TMPRSS15: variants seen among roughly 807,000 people sequenced by gnomAD.
The protein encoded by TMPRSS15 is enteropeptidase.
A neutral mutation model predicts 125.3 loss-of-function variants in TMPRSS15; 128 were observed. The observed-to-expected ratio is 1.02, with a 90% CI of 0.89 to 1.18. TMPRSS15 has a LOEUF of 1.18. Ranked by LOEUF, TMPRSS15 falls within the 50% of genes most tolerant of loss-of-function variation. TMPRSS15 has a pLI of 0.00. For synonymous variants in TMPRSS15, 446 were observed against 423.2 expected, an observed-to-expected ratio of 1.05 and a Z score of -0.66; for missense variants, 1,283 against 1,212.7, an observed-to-expected ratio of 1.06 and a Z score of -0.86.
At chr21:18,320,329 T>C (rs1323513804) in intron 16 of TMPRSS15, among the ~76,000 whole-genome samples, 4 of 152,120 alleles carry the variant, frequency 2.6e-5, no homozygotes, top group Non-Finnish European at 5.9e-5. Context: ...AGAATGTTAG[T>C]CACCACCCTT....
chr21:18,307,542 A>G (rs2075050561), intron 18 of TMPRSS15, among the ~76,000 whole-genome samples: 1 of 152,284 alleles, frequency 6.6e-6, no homozygotes, highest in East Asian at 1.9e-4. Context: ...TTATCACATT[A>G]TATTGTAATG....
chr21:18,398,020 G>C, intron 2 of TMPRSS15, 74 bp from the exon 3 acceptor site: 1 of 1,253,350 alleles, frequency 8.0e-7, no homozygotes. Context: ...TTTATACAAA[G>C]CAATCTTTAT....
intron 24 of TMPRSS15, 100 bp downstream of exon 24, chr21:18,275,097 A>C: frequency 6.8e-7 from 1 of 1,470,926 alleles, no homozygotes; most frequent in Non-Finnish European, 9.4e-7. Flanking sequence ...GAGAAATGAA[A>C]GAAGCTTATT....
chr21:18,447,517 T>C (rs974810311), intron 1 of TMPRSS15, among the ~76,000 whole-genome samples: 1 of 151,710 alleles, frequency 6.6e-6, no homozygotes, highest in Non-Finnish European at 1.5e-5. Flanking sequence ...ATGATATGGT[T>C]TGGCTGTGTC....
At chr21:18,483,702 A>C (rs1230543481) in intron 1 of TMPRSS15, among the ~76,000 whole-genome samples, 1 of 151,950 alleles carries the variant, frequency 6.6e-6, no homozygotes, top group Non-Finnish European at 1.5e-5. Flanking sequence ...TAATTGTGTG[A>C]TAATTGACAA....
intron 8 of TMPRSS15, among the ~76,000 whole-genome samples, chr21:18,358,852 C>A (rs2075651505): frequency 6.6e-6 from 1 of 151,976 alleles, no homozygotes; most frequent in Non-Finnish European, 1.5e-5. Flanking sequence ...AAATATTTCT[C>A]AAATCATTAA....
Position 18,332,064 on chromosome 21 carries a change from C to G in TMPRSS15, c.1654+20G>C. 1 of 1,601,250 alleles carries G rather than the reference C, an allele frequency of 6.2e-7. No homozygotes were observed. The highest frequency in any genetic ancestry group is 8.6e-7 in the Non-Finnish European group (1 of 1,168,552). On this transcript the variant is annotated intron_variant, in intron 14 of 24. Transcript: ENST00000284885. ...CATATGGACATTTGTTTCTGATGAC[C>G]TGGAAAAGAAATGACTCACAGAAAG...
At chr21:18,285,856 T>G (rs1175722048) in intron 21 of TMPRSS15, among the ~76,000 whole-genome samples, 1 of 152,232 alleles carries the variant, frequency 6.6e-6, no homozygotes, top group African/African-American at 2.4e-5. Flanking sequence ...GTAGTTTTAT[T>G]ATAAAAGGAG....
chr21:18,473,351 A>G (rs1978816678), intron 1 of TMPRSS15, among the ~76,000 whole-genome samples: 1 of 152,080 alleles, frequency 6.6e-6, no homozygotes. Context: ...CCTTACATTT[A>G]TTAATGAAAT....
At chr21:18,316,396 T>G (rs2075167394) in intron 16 of TMPRSS15, among the ~76,000 whole-genome samples, 1 of 152,130 alleles carries the variant, frequency 6.6e-6, no homozygotes, top group African/African-American at 2.4e-5. Flanking sequence ...CTTCCAAAAC[T>G]TTGTAAGAAA....
chr21:18,341,418 A>C lies in TMPRSS15; in HGVS notation c.1559T>G (p.Leu520Arg). 6.2e-7 allele frequency: 1 copy of C among 1,614,118 alleles called. No homozygotes were observed. Among genetic ancestry groups the C allele is most frequent in the South Asian group, 1.1e-5 (1 of 91,084 alleles). Reference sequence around the variant, plus strand: ...TACACATGAAGGTTACTTACTAGGAAGTTCTGGTGGAGGAGTTGGCACCAA... The same window carrying C: ...TACACATGAAGGTTACTTACTAGGACGTTCTGGTGGAGGAGTTGGCACCAA... ...PTLVPTPPPE[L>R]PTDCGGPFEL... The change falls in exon 13 of 25, where the codon CTT (leucine) becomes CGT (arginine). Residue 520 changes from leucine to arginine, a missense_variant. By Grantham distance (102) the Leu-to-Arg change is moderately radical. Coordinates refer to ENST00000284885, the MANE Select transcript of TMPRSS15 (RefSeq NM_002772.3).
chr21:18,273,472 T>A (rs2074585205), intron 24 of TMPRSS15, among the ~76,000 whole-genome samples: 1 of 152,236 alleles, frequency 6.6e-6, no homozygotes, highest in Non-Finnish European at 1.5e-5. Context: ...TACAAGGTAT[T>A]ACCTTATGTG....
intron 8 of TMPRSS15, among the ~76,000 whole-genome samples, chr21:18,354,087 T>G (rs1173494377): frequency 6.6e-6 from 1 of 151,828 alleles, no homozygotes; most frequent in Non-Finnish European, 1.5e-5. Flanking sequence ...ATATTTATGG[T>G]TTGATAAAAA....
intron 1 of TMPRSS15, among the ~76,000 whole-genome samples, chr21:18,437,526 G>A (rs531096240): frequency 5.8e-4 from 89 of 152,276 alleles, no homozygotes; most frequent in African/African-American, 2.0e-3. Context: ...ACTACCGTCA[G>A]AGTGAACAGG....
At chr21:18,364,810 T>C (rs149019622) in intron 7 of TMPRSS15, among the ~76,000 whole-genome samples, 1 of 152,262 alleles carries the variant, frequency 6.6e-6, no homozygotes, top group East Asian at 1.9e-4. Context: ...ATGCAGAAGA[T>C]GCGAAATTCT....
chr21:18,364,866 G>T (rs999567196), intron 7 of TMPRSS15, among the ~76,000 whole-genome samples: 1 of 152,116 alleles, frequency 6.6e-6, no homozygotes, highest in East Asian at 1.9e-4. Flanking sequence ...TTGCCTGGCC[G>T]CACATGAATA....
rs539968323 is a variant in TMPRSS15, at chr21:18,440,372, C to CAA, written c.11-42045_11-42044dup. On this transcript the variant is annotated intron_variant, in intron 1 of 7. Transcript: ENST00000422787. ...TGGGCGACAGAGCGAAACTCCGTCT[C>CAA]AAAAAAAAAAAAAAAAAGAAAACTG... Among the ~76,000 whole-genome samples the CAA allele has an allele frequency of 7.0e-4, 33 of 47,422 alleles. 1 individual carries two copies. Among genetic ancestry groups the CAA allele is most frequent in the Non-Finnish European group, 9.7e-4 (26 of 26,912 alleles). 31.1% of individuals were successfully genotyped at this position (47,422 alleles called of 152,430 possible). A position where few individuals can be genotyped will look rare whatever the true frequency, so the allele number is the denominator to read the frequency against.
chr21:18,428,631 C>A (rs4816772), intron 1 of TMPRSS15, among the ~76,000 whole-genome samples: 46,897 of 152,022 alleles, frequency 0.31, 9,140 homozygotes, highest in Middle Eastern at 0.46. Context: ...GTGGAAGCCC[C>A]AAGCCTTTTC....
intron 15 of TMPRSS15, among the ~76,000 whole-genome samples, chr21:18,328,954 C>T (rs1054870005): frequency 4.6e-5 from 7 of 152,098 alleles, no homozygotes; most frequent in African/African-American, 1.4e-4. Flanking sequence ...AATAATTAGT[C>T]CTGCTTTGTG....
Sources: gnomAD v4.1 joint callset for allele counts (sites outside exome capture counted in the v4.1 genomes callset) on GRCh38, gnomAD v4.1.1 for gene constraint, MANE v1.5 for transcripts, NCBI Gene and HGNC (gene_info 2026-07-23, HGNC 2026-07-21) for gene names.